The following DLG2 variants were observed in gnomAD, a reference collection of about 807,000 sequenced individuals.
DLG2 encodes disks large homolog 2.
In DLG2, 45 loss-of-function variants were observed where a neutral mutation model predicts 132.5. That is an observed-to-expected ratio of 0.34 (90% CI 0.27 to 0.44). The LOEUF (loss-of-function observed/expected upper bound fraction) is 0.44. Among genes scored for constraint, DLG2 ranks in the 20% least tolerant of loss-of-function variants. The pLI is 1.00. For missense variants in DLG2, 1,045 were observed against 1,196.9 expected, an observed-to-expected ratio of 0.87 and a Z score of 1.87; for synonymous variants, 424 against 419.6, an observed-to-expected ratio of 1.01 and a Z score of -0.13.
chr11:84,115,720 T>C (rs2093602791), intron 9 of DLG2, among the ~76,000 whole-genome samples: 1 of 152,242 alleles, frequency 6.6e-6, no homozygotes, highest in Non-Finnish European at 1.5e-5. Flanking sequence ...GAGCCTGCCC[T>C]GATAGCAACA....
intron 15 of DLG2, among the ~76,000 whole-genome samples, chr11:83,874,830 A>T (rs1269662215): frequency 3.3e-5 from 5 of 152,168 alleles, no homozygotes; most frequent in African/African-American, 1.2e-4. Context: ...CTACCAGATA[A>T]GAGTTAATTT....
intron 12 of DLG2, among the ~76,000 whole-genome samples, chr11:83,976,438 T>C (rs997721505): frequency 1.3e-5 from 2 of 151,888 alleles, no homozygotes; most frequent in Non-Finnish European, 2.9e-5. Flanking sequence ...TCATTTGTCC[T>C]TCCTTTGTGG....
chr11:84,146,889 C>G (rs967435963), intron 9 of DLG2, among the ~76,000 whole-genome samples: 1 of 152,178 alleles, frequency 6.6e-6, no homozygotes, highest in Admixed American at 6.6e-5. Context: ...TTCTTTCCCT[C>G]TCTCTCATCT....
At chr11:84,211,666 A>G (rs760498377) in intron 8 of DLG2, among the ~76,000 whole-genome samples, 18 of 152,332 alleles carry the variant, frequency 1.2e-4, no homozygotes, top group Non-Finnish European at 2.6e-4. Flanking sequence ...ATGGAAGACA[A>G]AATTTTAATT....
At chr11:84,296,839 C>T (rs1012618792) in intron 7 of DLG2, among the ~76,000 whole-genome samples, 1 of 151,980 alleles carries the variant, frequency 6.6e-6, no homozygotes, top group Non-Finnish European at 1.5e-5. Flanking sequence ...CTCAGCATTC[C>T]CCCCAAATTC....
chr11:83,689,567 A>G (rs757411460), intron 18 of DLG2, among the ~76,000 whole-genome samples: 13 of 152,158 alleles, frequency 8.5e-5, no homozygotes, highest in Non-Finnish European at 1.6e-4. Flanking sequence ...CTCATCTATC[A>G]AATGAGGATA....
intron 11 of DLG2, among the ~76,000 whole-genome samples, chr11:84,017,394 G>A (rs572893464): frequency 1.1e-3 from 173 of 151,956 alleles, no homozygotes; most frequent in Non-Finnish European, 2.0e-3. Context: ...AATTGGAAAG[G>A]AATTCTTTAT....
intron 6 of DLG2, among the ~76,000 whole-genome samples, chr11:84,806,387 A>C (rs926426567): frequency 6.6e-6 from 1 of 152,222 alleles, no homozygotes; most frequent in Non-Finnish European, 1.5e-5. Context: ...GATACATTAT[A>C]GTCAATTTTA....
At chr11:85,230,860 T>C (rs566484338) in intron 4 of DLG2, among the ~76,000 whole-genome samples, 8 of 152,002 alleles carry the variant, frequency 5.3e-5, no homozygotes, top group African/African-American at 1.7e-4. Context: ...TCAGGGAGTT[T>C]GATAGTCCCA....
intron 3 of DLG2, among the ~76,000 whole-genome samples, chr11:85,465,024 A>C (rs2153064433): frequency 7.8e-6 from 1 of 128,980 alleles, no homozygotes; most frequent in African/African-American, 3.0e-5. Context: ...TAGTGAGCCA[A>C]GATTGTGCCA....
rs202106539 is a variant in DLG2 at position 84,232,882 on chromosome 11, C to G, written c.573+18356G>C. Among the ~76,000 whole-genome samples the G allele has an allele frequency of 5.3e-5, 8 of 152,308 alleles. No individual in the cohort carries two copies. The East Asian group carries it at 1.5e-3, about 29-fold the overall frequency. ...CCATGATATAGGAGAGCTCCCCCAT[C>G]TGATGAATGACAAGGAAGCTTAGTT... On this transcript the variant is annotated intron_variant, in intron 8 of 27. Transcript: ENST00000376104.
At chr11:83,954,329 T>G (rs66523876) in intron 14 of DLG2, among the ~76,000 whole-genome samples, 13,618 of 152,186 alleles carry the variant, frequency 0.089, 755 homozygotes, top group South Asian at 0.13. Context: ...TTCTTCATGG[T>G]TTATATAAGT....
chr11:85,449,915 G>A (rs985223109), intron 3 of DLG2, among the ~76,000 whole-genome samples: 1 of 151,978 alleles, frequency 6.6e-6, no homozygotes, highest in African/African-American at 2.4e-5. Context: ...ATCACCTGAG[G>A]TCGGGAGTTC....
At chr11:83,471,874 A>G (rs748447605) in intron 23 of DLG2, 147 bp from the exon 24 acceptor site, 1 of 648,784 alleles carries the variant, frequency 1.5e-6, no homozygotes, top group African/African-American at 1.8e-5. Flanking sequence ...ACAGCCTTGC[A>G]TAGGGAAATT....
At chr11:85,320,943 G>A (rs974099800) in intron 3 of DLG2, among the ~76,000 whole-genome samples, 17 of 151,348 alleles carry the variant, frequency 1.1e-4, no homozygotes, top group Non-Finnish European at 2.4e-4. Flanking sequence ...GGAAGTTTTC[G>A]AATAGAGAAA....
chr11:85,605,993 G>A (rs1359288974), intron 2 of DLG2, among the ~76,000 whole-genome samples: 2 of 151,718 alleles, frequency 1.3e-5, no homozygotes, highest in South Asian at 2.1e-4. Flanking sequence ...AAAAAAAAAA[G>A]AATGGTATCA....
intron 7 of DLG2, among the ~76,000 whole-genome samples, chr11:84,372,668 C>T (rs2098711141): frequency 6.6e-6 from 1 of 152,140 alleles, no homozygotes; most frequent in Non-Finnish European, 1.5e-5. Flanking sequence ...TATAAATATA[C>T]ATTTCTCTAA....
intron 18 of DLG2, among the ~76,000 whole-genome samples, chr11:83,759,767 C>G (rs2093819202): frequency 6.6e-6 from 1 of 152,082 alleles, no homozygotes; most frequent in African/African-American, 2.4e-5. Context: ...ATACTAGTAG[C>G]TAAGATGGAC....
chr11:85,323,124 T>G (rs1234972493), intron 3 of DLG2, among the ~76,000 whole-genome samples: 1 of 152,260 alleles, frequency 6.6e-6, no homozygotes, highest in African/African-American at 2.4e-5. Context: ...TGTACCATAT[T>G]GGGTCACTGT....
Sources: allele counts gnomAD v4.1 joint callset (sites outside exome capture counted in the v4.1 genomes callset), GRCh38; gene constraint gnomAD v4.1.1; transcripts MANE v1.5; gene names NCBI Gene and HGNC (gene_info 2026-07-23, HGNC 2026-07-21).